PFKP: variants seen among roughly 807,000 people sequenced by gnomAD.
PFKP encodes the protein ATP-dependent 6-phosphofructokinase, platelet type.
A neutral mutation model predicts 94.3 loss-of-function variants in PFKP; 101 were observed. That is an observed-to-expected ratio of 1.07 (90% CI 0.91 to 1.26). The LOEUF is 1.26. Ranked by LOEUF, PFKP falls within the 50% of genes most tolerant of loss-of-function variation. The pLI is 0.00. For missense variants in PFKP, 1,145 were observed against 1,103.3 expected, an observed-to-expected ratio of 1.04 and a Z score of -0.53; for synonymous variants, 573 against 432.6, an observed-to-expected ratio of 1.32 and a Z score of -4.03.
At chr10:3,125,812 C>A (rs558327550) in intron 16 of PFKP, among the ~76,000 whole-genome samples, 2 of 152,330 alleles carry the variant, frequency 1.3e-5, no homozygotes, top group East Asian at 3.9e-4. Flanking sequence ...CCTCCGGTCC[C>A]TGATACTCTG....
chr10:3,116,886 A>C lies in PFKP; in HGVS notation c.1442+40A>C, dbSNP rs769012810. The C allele has an allele frequency of 2.8e-6, 4 of 1,425,442 alleles. No individual in the cohort carries two copies. In the African/African-American group the frequency reaches 5.6e-5, roughly 20 times the overall value. The allele number at this position is 1,425,442 out of a possible 1,614,324, so 88.3% of individuals were successfully genotyped here. On this transcript the variant is annotated intron_variant, in intron 14 of 21. Coordinates refer to ENST00000381125, the MANE Select transcript of PFKP (RefSeq NM_002627.5). ...TCAACTCTATGACCTGCTTTTAAGG[A>C]AGAAGGAAGAGCCGTGTTCTGGGAG...
chr10:3,093,106 G>A (rs548977079), intron 2 of PFKP, among the ~76,000 whole-genome samples: 2 of 152,338 alleles, frequency 1.3e-5, no homozygotes, highest in South Asian at 4.1e-4. Context: ...CTCCTGGGAT[G>A]TGTGGAAGGG....
chr10:3,099,333 T>A lies in PFKP; in HGVS notation c.245T>A (p.Val82Asp). Residue 82 changes from valine to aspartate, a missense_variant, in exon 3 of 22, where the codon GTC (valine) becomes GAC (aspartate). Physicochemically the swap from Val to Asp is radical, Grantham distance 152 (BLOSUM62 -3). Transcript: ENST00000381125. ...SNIAEADWES[V>D]SSILQVGGTI... ...ATCGCAGAGGCCGACTGGGAGAGTG[T>A]CTCCAGCATCCTGCAAGTGGTAGGT... 6.2e-7 allele frequency: 1 copy of A among 1,614,068 alleles called. No individual in the cohort carries two copies. Among genetic ancestry groups the A allele is most frequent in the South Asian group, 1.1e-5 (1 of 91,076 alleles).
intron 16 of PFKP, chr10:3,125,009 C>T (rs1399387807): frequency 1.9e-6 from 2 of 1,055,872 alleles, no homozygotes; most frequent in East Asian, 1.0e-4. Context: ...CAGTCCCCTC[C>T]CGTCCCTTCC....
chr10:3,068,781 C>A lies in PFKP; in HGVS notation c.112+1074C>A, dbSNP rs1340061479. On this transcript the variant is annotated intron_variant, in intron 1 of 21. Transcript: ENST00000381125. ...TCCCAGGCGAACGCAACCTGGGAGC[C>A]TTAGCGATCGCGCAGGCTGGAGACG... is the stretch of plus-strand genomic sequence containing the variant. 5 of 798,436 alleles carry A rather than the reference C, an allele frequency of 6.3e-6. No individual in the cohort carries two copies. The East Asian group carries it at 6.3e-4, about 100-fold the overall frequency. 49.5% of individuals were successfully genotyped at this position (798,436 alleles called of 1,614,324 possible). A position where few individuals can be genotyped will look rare whatever the true frequency, so the allele number is the denominator to read the frequency against.
At chr10:3,082,495 C>T (rs41288713) in intron 2 of PFKP, 34 bp downstream of exon 2, 23,769 of 1,517,736 alleles carry the variant, frequency 0.016, 256 homozygotes, top group Middle Eastern at 0.045. Flanking sequence ...TGTCGCCCTT[C>T]TTCCACCTGC....
chr10:3,130,017 C>T (rs1310790923), intron 17 of PFKP, 34 bp downstream of exon 17: 3 of 1,535,260 alleles, frequency 2.0e-6, no homozygotes, highest in African/African-American at 2.7e-5. Flanking sequence ...GGCCCGTCCC[C>T]TTGGGATCCA....
chr10:3,075,771 G>T (rs917142032), intron 1 of PFKP, among the ~76,000 whole-genome samples: 1 of 150,748 alleles, frequency 6.6e-6, no homozygotes, highest in Non-Finnish European at 1.5e-5. Flanking sequence ...CAGGCGTGGC[G>T]GTGCACACCT....
chr10:3,074,860 C>CT (rs1406201159), intron 1 of PFKP, among the ~76,000 whole-genome samples: 5 of 152,068 alleles, frequency 3.3e-5, no homozygotes, highest in Non-Finnish European at 5.9e-5. Context: ...CCCAGCGGCG[C>CT]TAGAGGAATT....
chr10:3,076,895 G>A (rs1483073227), intron 1 of PFKP, among the ~76,000 whole-genome samples: 1 of 152,110 alleles, frequency 6.6e-6, no homozygotes, highest in East Asian at 1.9e-4. Context: ...GGGGTGGGGA[G>A]GGAACAGCAC....
chr10:3,129,960 C>G lies in PFKP; in HGVS notation c.1825C>G (p.Pro609Ala). 6.3e-7 allele frequency: 1 copy of G among 1,589,608 alleles called. No individual in the cohort carries two copies. Among genetic ancestry groups the G allele is most frequent in the Non-Finnish European group, 8.6e-7 (1 of 1,166,056 alleles). ...TGATGCCGCATACATTTTCGAAGAG[C>G]CCTTCGACATCAGGGATCTGCAGGT... is the stretch of plus-strand genomic sequence containing the variant. ...GADAAYIFEE[P>A]FDIRDLQSNV... is the part of the protein sequence containing the mutation. Residue 609 changes from proline to alanine, a missense_variant, in exon 17 of 22, where the codon CCC (proline) becomes GCC (alanine). By Grantham distance (27) the Pro-to-Ala change is conservative. Transcript: ENST00000381125.
chr10:3,068,791 G>A, intron 1 of PFKP: 1 of 738,890 alleles, frequency 1.4e-6, no homozygotes. Flanking sequence ...CTTAGCGATC[G>A]CGCAGGCTGG....
intron 10 of PFKP, among the ~76,000 whole-genome samples, chr10:3,110,329 G>A (rs1836056766): frequency 6.6e-6 from 1 of 150,688 alleles, no homozygotes; most frequent in Non-Finnish European, 1.5e-5. Context: ...CTTCCGAGTA[G>A]CTGGGACTAC....
At chr10:3,109,508 A>C (rs1402418089) in intron 10 of PFKP, 28 bp downstream of exon 10, 2 of 1,597,620 alleles carry the variant, frequency 1.3e-6, no homozygotes, top group African/African-American at 2.7e-5. Flanking sequence ...GGCCAAGGGC[A>C]GGGCGGAGAC....
At chr10:3,134,300 A>C (rs1564361257) in intron 19 of PFKP, among the ~76,000 whole-genome samples, 183 bp from the exon 20 acceptor site, 1 of 152,218 alleles carries the variant, frequency 6.6e-6, no homozygotes, top group East Asian at 1.9e-4. Flanking sequence ...AGCGGGGGGA[A>C]CACTTGATAC....
chr10:3,093,473 C>A (rs1834216954), intron 2 of PFKP, among the ~76,000 whole-genome samples: 1 of 152,126 alleles, frequency 6.6e-6, no homozygotes, highest in African/African-American at 2.4e-5. Flanking sequence ...TTTACCAGAG[C>A]CCATGCCTTC....
chr10:3,133,120 A>T, intron 18 of PFKP, 83 bp from the exon 19 acceptor site: 2 of 947,744 alleles, frequency 2.1e-6, no homozygotes, highest in South Asian at 2.6e-5. Flanking sequence ...GCGGGAGTCC[A>T]GCCTCCCAGG....
intron 10 of PFKP, among the ~76,000 whole-genome samples, chr10:3,111,657 A>C (rs934987008): frequency 2.0e-5 from 3 of 152,084 alleles, no homozygotes; most frequent in Non-Finnish European, 2.9e-5. Flanking sequence ...AGATGAGGAA[A>C]TTGAAGTTCA....
At chr10:3,118,024 G>T (rs1837006005) in intron 14 of PFKP, among the ~76,000 whole-genome samples, 1 of 152,220 alleles carries the variant, frequency 6.6e-6, no homozygotes, top group Non-Finnish European at 1.5e-5. Context: ...GGGATCCAGG[G>T]AGGGGCACAG....
Sources: allele counts gnomAD v4.1 joint callset (sites outside exome capture counted in the v4.1 genomes callset), GRCh38; gene constraint gnomAD v4.1.1; transcripts MANE v1.5; gene names NCBI Gene and HGNC (gene_info 2026-07-23, HGNC 2026-07-21).